Variants in MYO3B observed in about 807,000 individuals in gnomAD.
MYO3B encodes myosin IIIB.
A neutral mutation model predicts 174.6 loss-of-function variants in MYO3B; 156 were observed. The observed-to-expected ratio is 0.89, with a 90% CI of 0.78 to 1.02. The LOEUF is 1.02. Ranked by LOEUF, MYO3B falls within the 50% of genes least tolerant of loss-of-function variation. MYO3B has a pLI of 0.00. For missense variants in MYO3B, 1,632 were observed against 1,639.4 expected, an observed-to-expected ratio of 1.00 and a Z score of 0.08; for synonymous variants, 563 against 569.1, an observed-to-expected ratio of 0.99 and a Z score of 0.15.
Position 170,651,525 on chromosome 2 carries a change from T to C in MYO3B, c.3734-103T>C, listed in dbSNP as rs1156522645. The C allele has an allele frequency of 9.3e-6, 8 of 857,016 alleles. No homozygotes were observed. The Admixed American group carries it at 1.2e-4, about 13-fold the overall frequency. 53.1% of individuals were successfully genotyped at this position (857,016 alleles called of 1,614,324 possible). A position where few individuals can be genotyped will look rare whatever the true frequency, so the allele number is the denominator to read the frequency against. On this transcript the variant is annotated intron_variant, in intron 32 of 34. Coordinates refer to ENST00000408978, the MANE Select transcript of MYO3B (RefSeq NM_138995.5). ...AAAGCTTTTAATATGCCCATTAAAA[T>C]AGGACACAGTTTCTACTAAGTGCAT... is the stretch of plus-strand genomic sequence containing the variant.
intron 28 of MYO3B, among the ~76,000 whole-genome samples, chr2:170,509,020 GA>G (rs35070668): frequency 0.27 from 41,535 of 151,962 alleles, 6,824 homozygotes; most frequent in African/African-American, 0.46. Flanking sequence ...CACTGGGGGG[GA>G]AAAAAGTCTG....
At chr2:170,256,138 A>G (rs1254305738) in intron 7 of MYO3B, among the ~76,000 whole-genome samples, 2 of 152,230 alleles carry the variant, frequency 1.3e-5, no homozygotes, top group Non-Finnish European at 2.9e-5. Context: ...TAGATTCTCT[A>G]AAGAGACCAA....
At chr2:170,324,414 A>G (rs890831212) in intron 7 of MYO3B, among the ~76,000 whole-genome samples, 2 of 152,208 alleles carry the variant, frequency 1.3e-5, no homozygotes, top group East Asian at 3.8e-4. Context: ...CCATCACAAG[A>G]CATGTCTTTT....
chr2:170,577,933 G>A (rs1161811450), intron 32 of MYO3B, among the ~76,000 whole-genome samples: 3 of 152,166 alleles, frequency 2.0e-5, no homozygotes, highest in African/African-American at 4.8e-5. Flanking sequence ...AAACTGCAAA[G>A]TGTTCTAGAA....
chr2:170,308,207 G>T (rs951283693), intron 7 of MYO3B, among the ~76,000 whole-genome samples: 1 of 152,150 alleles, frequency 6.6e-6, no homozygotes, highest in East Asian at 1.9e-4. Context: ...CTACTCTCAG[G>T]TTCTGAGAAA....
At chr2:170,309,131 C>G (rs2105464358) in intron 7 of MYO3B, among the ~76,000 whole-genome samples, 1 of 152,178 alleles carries the variant, frequency 6.6e-6, no homozygotes, top group African/African-American at 2.4e-5. Flanking sequence ...TATAATTTCC[C>G]CCATAAAATG....
chr2:170,237,421 A>G (rs911025723), intron 7 of MYO3B, among the ~76,000 whole-genome samples: 3 of 152,124 alleles, frequency 2.0e-5, no homozygotes, highest in African/African-American at 7.2e-5. Context: ...TACTTTTGAT[A>G]AGAGATCATC....
rs1360741551 is a variant in MYO3B at position 170,568,205 on chromosome 2, A to G, written c.3733+24217A>G. Among the ~76,000 whole-genome samples the G allele has an allele frequency of 3.9e-5, 6 of 152,354 alleles. No individual in the cohort carries two copies. In the East Asian group the frequency reaches 7.7e-4, roughly 20 times the overall value. On this transcript the variant is annotated intron_variant, in intron 32 of 34. Transcript: ENST00000408978. ...CTTTGCAAAACCCCTGAATTCCAAT[A>G]AGAAGGGGTATGTAAAGTTATCTTA... is the stretch of plus-strand genomic sequence containing the variant.
intron 9 of MYO3B, among the ~76,000 whole-genome samples, chr2:170,377,204 G>A (rs908820594): frequency 4.6e-5 from 7 of 152,204 alleles, no homozygotes; most frequent in African/African-American, 1.7e-4. Context: ...CACAGAAATG[G>A]TTTTAACCAT....
chr2:170,378,007 T>C (rs2094306882), intron 9 of MYO3B, among the ~76,000 whole-genome samples: 1 of 152,092 alleles, frequency 6.6e-6, no homozygotes, highest in African/African-American at 2.4e-5. Context: ...GGGCACTAGA[T>C]GGAGCATGTG....
At chr2:170,606,740 G>A (rs1363461565) in intron 32 of MYO3B, among the ~76,000 whole-genome samples, 1 of 152,186 alleles carries the variant, frequency 6.6e-6, no homozygotes, top group East Asian at 1.9e-4. Flanking sequence ...TAAAATACAG[G>A]CCGGGCACGG....
chr2:170,568,170 T>G (rs1381520532), intron 32 of MYO3B, among the ~76,000 whole-genome samples: 1 of 152,248 alleles, frequency 6.6e-6, no homozygotes, highest in East Asian at 1.9e-4. Context: ...AACTCTGCTT[T>G]GCAGATATAC....
At chr2:170,217,420 T>G in intron 6 of MYO3B, 25 bp downstream of exon 6, 1 of 1,588,372 alleles carries the variant, frequency 6.3e-7, no homozygotes. Flanking sequence ...CCTAGTTCTT[T>G]CTTTGCACTT....
At position 170,189,432 on chromosome 2, in the gene MYO3B, A is replaced by G. The variant is rs573933286; in HGVS notation, c.3-9776A>G. ...ACATTCTACCCCTTTCTCTCTTTCT[A>G]CCTTCTCTTTAAGGCCATTAACTCT... On this transcript the variant is annotated intron_variant, in intron 1 of 34. Transcript: ENST00000408978. 2.0e-5 allele frequency among the ~76,000 whole-genome samples: 3 copies of G among 151,726 alleles called. No individual in the cohort carries two copies. In the South Asian group the frequency reaches 6.3e-4, roughly 32 times the overall value.
intron 7 of MYO3B, among the ~76,000 whole-genome samples, chr2:170,242,176 C>G (rs189665462): frequency 6.6e-6 from 1 of 152,086 alleles, no homozygotes; most frequent in South Asian, 2.1e-4. Flanking sequence ...CAATGAATCC[C>G]CACGATCCAA....
At chr2:170,450,929 T>G (rs1046014520) in intron 23 of MYO3B, among the ~76,000 whole-genome samples, 1 of 152,230 alleles carries the variant, frequency 6.6e-6, no homozygotes, top group Non-Finnish European at 1.5e-5. Flanking sequence ...CTTCAACTCT[T>G]AGCCAACTTG....
At chr2:170,233,683 T>C (rs907506573) in intron 6 of MYO3B, among the ~76,000 whole-genome samples, 2 of 152,222 alleles carry the variant, frequency 1.3e-5, no homozygotes, top group African/African-American at 4.8e-5. Flanking sequence ...TGTGGATATA[T>C]AGAAAATGTT....
intron 8 of MYO3B, among the ~76,000 whole-genome samples, chr2:170,338,477 G>A (rs1482486054): frequency 6.6e-6 from 1 of 151,942 alleles, no homozygotes; most frequent in African/African-American, 2.4e-5. Flanking sequence ...TAACATCTTA[G>A]GTGCTTCAAC....
chr2:170,355,830 G>C lies in MYO3B; in HGVS notation c.816-13392G>C, dbSNP rs145103309. Among the ~76,000 whole-genome samples the C allele has an allele frequency of 2.6e-5, 4 of 152,242 alleles. No homozygotes were observed. In the East Asian group the frequency reaches 5.8e-4, roughly 22 times the overall value. ...GCCTGACCCTATAAAAATTCACCAA[G>C]TTGCTGATAGATTTAGCAATGGATT... On this transcript the variant is annotated intron_variant, in intron 8 of 34. Transcript: ENST00000408978.
Sources: gnomAD v4.1 joint callset for allele counts (sites outside exome capture counted in the v4.1 genomes callset) on GRCh38, gnomAD v4.1.1 for gene constraint, MANE v1.5 for transcripts, NCBI Gene and HGNC (gene_info 2026-07-23, HGNC 2026-07-21) for gene names.